Variants in EXOC6B observed in about 807,000 individuals in gnomAD.
EXOC6B encodes exocyst complex component 6B, also known as SEC15 homolog B.
In EXOC6B, 54 loss-of-function variants were observed where a neutral mutation model predicts 113.5. The observed-to-expected ratio is 0.48, with a 90% CI of 0.38 to 0.60. The LOEUF (loss-of-function observed/expected upper bound fraction) is 0.60. Among genes scored for constraint, EXOC6B ranks in the 20% least tolerant of loss-of-function variants. The pLI, the probability that EXOC6B is intolerant of heterozygous loss-of-function variation, is 0.00. For missense variants in EXOC6B, 797 were observed against 977.5 expected (o/e 0.82, Z 2.46); for synonymous variants, 357 against 339.0 (o/e 1.05, Z -0.58).
At chr2:72,180,468 G>A (rs564979189) in intron 21 of EXOC6B, among the ~76,000 whole-genome samples, 29 of 152,228 alleles carry the variant, frequency 1.9e-4, no homozygotes, top group Non-Finnish European at 3.5e-4. Flanking sequence ...CTGCACACCA[G>A]ACCCATATCC....
chr2:72,593,429 C>A (rs997313346), intron 6 of EXOC6B, among the ~76,000 whole-genome samples: 3 of 152,000 alleles, frequency 2.0e-5, no homozygotes, highest in Non-Finnish European at 4.4e-5. Flanking sequence ...TCTGCTATAC[C>A]TTGTTAGATA....
chr2:72,280,478 AAAC>A (rs1214670513), intron 20 of EXOC6B, among the ~76,000 whole-genome samples: 2 of 152,186 alleles, frequency 1.3e-5, no homozygotes, highest in Non-Finnish European at 2.9e-5. Flanking sequence ...CATTAAAATT[AAAC>A]ATAACTTCAG....
intron 19 of EXOC6B, among the ~76,000 whole-genome samples, chr2:72,350,928 A>C (rs949331979): frequency 9.8e-5 from 15 of 152,328 alleles, no homozygotes; most frequent in Admixed American, 7.8e-4. Context: ...CTGTCTTTAA[A>C]ATGTTCCTTG....
At chr2:72,324,380 C>A (rs1289700066) in intron 20 of EXOC6B, among the ~76,000 whole-genome samples, 1 of 152,126 alleles carries the variant, frequency 6.6e-6, no homozygotes, top group Non-Finnish European at 1.5e-5. Flanking sequence ...GCCAAAGACA[C>A]AAGTATCCTG....
chr2:72,527,382 T>C (rs1434291562), intron 8 of EXOC6B, among the ~76,000 whole-genome samples: 1 of 151,948 alleles, frequency 6.6e-6, no homozygotes, highest in East Asian at 1.9e-4. Flanking sequence ...TCAATAGTTC[T>C]TTCCTTTATA....
At chr2:72,784,137 A>G (rs1467616446) in intron 1 of EXOC6B, among the ~76,000 whole-genome samples, 5 of 152,196 alleles carry the variant, frequency 3.3e-5, no homozygotes, top group Non-Finnish European at 5.9e-5. Context: ...TGCCTTTGTC[A>G]AAAATCAGTT....
intron 1 of EXOC6B, among the ~76,000 whole-genome samples, chr2:72,763,316 T>C (rs531617031): frequency 6.6e-6 from 1 of 152,306 alleles, no homozygotes; most frequent in Non-Finnish European, 1.5e-5. Context: ...TTCCTTTGTA[T>C]AGTACCTTGG....
intron 6 of EXOC6B, among the ~76,000 whole-genome samples, chr2:72,575,938 G>T (rs1253096321): frequency 6.6e-6 from 1 of 152,026 alleles, no homozygotes; most frequent in African/African-American, 2.4e-5. Flanking sequence ...ACAGAAAACA[G>T]ATAATCAGTC....
At chr2:72,573,098 G>A (rs1176918388) in intron 7 of EXOC6B, among the ~76,000 whole-genome samples, 1 of 152,066 alleles carries the variant, frequency 6.6e-6, no homozygotes, top group Non-Finnish European at 1.5e-5. Flanking sequence ...GAAGGAGCAT[G>A]GCACAAAAAT....
intron 18 of EXOC6B, among the ~76,000 whole-genome samples, chr2:72,410,470 C>A (rs780617580): frequency 6.6e-6 from 1 of 152,158 alleles, no homozygotes; most frequent in Non-Finnish European, 1.5e-5. Flanking sequence ...ATCAAGTAAG[C>A]AACATTGCTG....
chr2:72,720,223 C>A (rs1445824006), intron 5 of EXOC6B, among the ~76,000 whole-genome samples: 8 of 151,248 alleles, frequency 5.3e-5, no homozygotes, highest in African/African-American at 1.9e-4. Flanking sequence ...AGTAAAGGAG[C>A]AACAAAAACA....
chr2:72,466,174 G>C (rs761604615), intron 17 of EXOC6B, among the ~76,000 whole-genome samples: 1 of 151,676 alleles, frequency 6.6e-6, no homozygotes, highest in Non-Finnish European at 1.5e-5. Context: ...GTGAAACCCT[G>C]TCTCTACTAA....
intron 18 of EXOC6B, among the ~76,000 whole-genome samples, chr2:72,406,170 G>A (rs1257073657): frequency 4.6e-5 from 7 of 152,252 alleles, no homozygotes; most frequent in Non-Finnish European, 8.8e-5. Flanking sequence ...AAATATATAT[G>A]CACCCAATAC....
chr2:72,323,038 T>C (rs1687922443), intron 20 of EXOC6B, among the ~76,000 whole-genome samples: 1 of 152,044 alleles, frequency 6.6e-6, no homozygotes, highest in Non-Finnish European at 1.5e-5. Context: ...GAAACTATCG[T>C]CAGAGTGAAC....
chr2:72,223,685 T>TTTTGTTTGTTTGTTTGTTTG (rs3029112), intron 20 of EXOC6B, among the ~76,000 whole-genome samples: 3 of 151,304 alleles, frequency 2.0e-5, no homozygotes, highest in Non-Finnish European at 4.4e-5. Context: ...AAGGCCTGTT[T>TTTTGTTTGTTTGTTTGTTTG]TTTGTTTGTT....
chr2:72,258,073 T>C lies in EXOC6B; in HGVS notation c.2197-73886A>G, dbSNP rs556992900. 2.0e-5 allele frequency among the ~76,000 whole-genome samples: 3 copies of C among 152,342 alleles called. No individual in the cohort carries two copies. The South Asian group carries it at 6.2e-4, about 32-fold the overall frequency. On this transcript the variant is annotated intron_variant, in intron 20 of 21. Transcript: ENST00000272427. ...AGTAATTTAAGGCTAAAAGCCTATA[T>C]ATGATTAGATTATTACACATTCTTT... is the stretch of plus-strand genomic sequence containing the variant.
chr2:72,438,298 T>C (rs1223862903), intron 18 of EXOC6B, among the ~76,000 whole-genome samples: 1 of 150,996 alleles, frequency 6.6e-6, no homozygotes, highest in East Asian at 1.9e-4. Flanking sequence ...CCTGTAGCTA[T>C]CAATCTTTGT....
chr2:72,812,251 C>T (rs372363082), intron 1 of EXOC6B, among the ~76,000 whole-genome samples: 59 of 151,964 alleles, frequency 3.9e-4, no homozygotes, highest in African/African-American at 1.3e-3. Context: ...AAGACACAGA[C>T]GCCGAAATTA....
intron 8 of EXOC6B, among the ~76,000 whole-genome samples, chr2:72,537,443 A>G (rs1396632693): frequency 2.0e-5 from 3 of 149,134 alleles, no homozygotes; most frequent in Non-Finnish European, 4.4e-5. Flanking sequence ...CCCTGTCTCT[A>G]CAAAAAATAC....
Sources: gnomAD v4.1 joint callset for allele counts (sites outside exome capture counted in the v4.1 genomes callset) on GRCh38, gnomAD v4.1.1 for gene constraint, MANE v1.5 for transcripts, NCBI Gene and HGNC (gene_info 2026-07-23, HGNC 2026-07-21) for gene names.